DPYSL5: variants seen among roughly 807,000 people sequenced by gnomAD.
DPYSL5 encodes the protein dihydropyrimidinase-related protein 5.
A neutral mutation model predicts 58.4 loss-of-function variants in DPYSL5; 9 were observed. That is an observed-to-expected ratio of 0.15 (90% CI 0.09 to 0.27). The LOEUF is 0.27. Among genes scored for constraint, DPYSL5 ranks in the 10% least tolerant of loss-of-function variants. The pLI, the probability that DPYSL5 is intolerant of heterozygous loss-of-function variation, is 1.00. For synonymous variants in DPYSL5, 293 were observed against 301.9 expected, an observed-to-expected ratio of 0.97 and a Z score of 0.31; for missense variants, 499 against 770.6, an observed-to-expected ratio of 0.65 and a Z score of 4.17.
intron 1 of DPYSL5, among the ~76,000 whole-genome samples, chr2:26,878,966 C>T (rs1017084398): frequency 6.6e-6 from 1 of 152,216 alleles, no homozygotes; most frequent in African/African-American, 2.4e-5. Context: ...GCTTCCCCAC[C>T]CTTTCTGGTA....
In DPYSL5 at chr2:26,877,317, T is replaced by A. The variant is rs931606286; in HGVS notation, c.-4-21179T>A. Reference sequence around the variant, plus strand: ...TTTATTTCTATTTATTTATTTATTTTTTTAAGGCCAAGGAATTAAGTGACT... The same window carrying A: ...TTTATTTCTATTTATTTATTTATTTATTTAAGGCCAAGGAATTAAGTGACT... On this transcript the variant is annotated intron_variant, in intron 1 of 12. Coordinates refer to ENST00000288699, the MANE Select transcript of DPYSL5 (RefSeq NM_020134.4). This position sits in a 1 kb window ranked among gnomAD's most constrained non-coding sequence, Gnocchi z 4.1. Among the ~76,000 whole-genome samples, 1 of 152,174 alleles carries A rather than the reference T, an allele frequency of 6.6e-6. No individual in the cohort carries two copies. Among genetic ancestry groups the A allele is most frequent in the Non-Finnish European group, 1.5e-5 (1 of 68,040 alleles).
intron 9 of DPYSL5, among the ~76,000 whole-genome samples, chr2:26,940,380 G>C (rs949450085): frequency 2.7e-5 from 4 of 150,628 alleles, no homozygotes; most frequent in Non-Finnish European, 5.9e-5. Flanking sequence ...ACCTATTATG[G>C]AAATTTGGAA....
chr2:26,918,482 TTC>T lies in DPYSL5; in HGVS notation c.262-6404_262-6403del, dbSNP rs1299023158. Among the ~76,000 whole-genome samples the T allele has an allele frequency of 9.2e-3, 535 of 57,856 alleles. 3 individuals are homozygous for T. The highest frequency in any genetic ancestry group is 0.032 in the African/African-American group (506 of 15,990). The allele number at this position is 57,856 out of a possible 152,430, so 38.0% of individuals were successfully genotyped here. On this transcript the variant is annotated intron_variant, in intron 2 of 12. Coordinates refer to ENST00000288699, the MANE Select transcript of DPYSL5 (RefSeq NM_020134.4). ...CTACCGAGCTGGTTATTTTTTTTTT[TTC>T]CTCTGGTACTTCGGGAGGATGTGAA...
At chr2:26,876,604 C>A (rs970510445) in intron 1 of DPYSL5, among the ~76,000 whole-genome samples, 1 of 152,198 alleles carries the variant, frequency 6.6e-6, no homozygotes, top group African/African-American at 2.4e-5. Context: ...CAGCCTCCAT[C>A]TCCCAGGTTC....
In DPYSL5 at chr2:26,934,689, G is replaced by A; in HGVS notation, c.902G>A (p.Arg301Lys). The A allele has an allele frequency of 1.2e-6, 2 of 1,614,174 alleles. No homozygotes were observed. Among genetic ancestry groups the A allele is most frequent in the Middle Eastern group, 1.6e-4 (1 of 6,062 alleles). Residue 301 changes from arginine (R) to lysine (K), a missense_variant, in exon 8 of 13, where the codon AGA (arginine) becomes AAA (lysine). Physicochemically the swap from Arg to Lys is conservative, Grantham distance 26. Transcript: ENST00000288699. The surrounding 1 kb of genome is among the most constrained non-coding windows in gnomAD (Gnocchi z 4.3). Reference sequence around the variant, plus strand: ...GCCTATGTCACGGTGCCTCCCCTGAGACTGGACACCAACACCTCAACCTAC... The same window carrying A: ...GCCTATGTCACGGTGCCTCCCCTGAAACTGGACACCAACACCTCAACCTAC... ...AAAYVTVPPLRLDTNTSTYLM... is the reference protein window; with the variant it reads ...AAAYVTVPPLKLDTNTSTYLM...
At chr2:26,859,176 CAT>C (rs979181258) in intron 1 of DPYSL5, among the ~76,000 whole-genome samples, 12 of 151,996 alleles carry the variant, frequency 7.9e-5, no homozygotes, top group African/African-American at 2.9e-4. Context: ...ATTTTGTTTT[CAT>C]ATGTTATTAG....
chr2:26,936,891 A>T (rs1365415065), intron 8 of DPYSL5, among the ~76,000 whole-genome samples: 2 of 150,152 alleles, frequency 1.3e-5, no homozygotes, highest in African/African-American at 4.9e-5. Context: ...GGTTGCAGTG[A>T]GCTGAGATCG....
At position 26,944,470 on chromosome 2, in the gene DPYSL5, G is replaced by A. The variant is rs1665414296; in HGVS notation, c.1441-186G>A. On this transcript the variant is annotated intron_variant, in intron 11 of 12. Transcript: ENST00000288699. The surrounding 1 kb of genome is among the most constrained non-coding windows in gnomAD (Gnocchi z 4.4). ...TGTACACATATGCACATGCTCTTTA[G>A]GAGGTATGAGAAAACTCCAGCCCCT... Among the ~76,000 whole-genome samples, 1 of 152,112 alleles carries A rather than the reference G, an allele frequency of 6.6e-6. No individual in the cohort carries two copies. The highest frequency in any genetic ancestry group is 2.4e-5 in the African/African-American group (1 of 41,420).
Position 26,944,777 on chromosome 2 carries a change from G to A in DPYSL5, c.1562G>A (p.Arg521Gln), listed in dbSNP as rs371141196. ...GACACTCCTACCCGGCCCGTCACCC[G>A]GCATGGGGGCATGAGGGACCTTCAC... ...LADTPTRPVT[R>Q]HGGMRDLHES... Residue 521 changes from arginine to glutamine, a missense_variant, in exon 12 of 13, where the codon CGG becomes CAG. Physicochemically the swap from Arg to Gln is conservative, Grantham distance 43. Transcript: ENST00000288699. This position sits in a 1 kb window ranked among gnomAD's most constrained non-coding sequence, Gnocchi z 4.4. The A allele has an allele frequency of 2.5e-6, 4 of 1,614,032 alleles. No homozygotes were observed. Among genetic ancestry groups the A allele is most frequent in the Non-Finnish European group, 2.5e-6 (3 of 1,180,012 alleles).
chr2:26,891,178 G>C (rs1270369019), intron 1 of DPYSL5, among the ~76,000 whole-genome samples: 1 of 152,196 alleles, frequency 6.6e-6, no homozygotes, highest in Non-Finnish European at 1.5e-5. Context: ...GGCAATGATG[G>C]TACCTATCTC....
chr2:26,932,212 G>A (rs4665362), intron 6 of DPYSL5, among the ~76,000 whole-genome samples: 7,738 of 55,634 alleles, frequency 0.14, 396 homozygotes, highest in East Asian at 0.24. Flanking sequence ...AGAAAGAAAA[G>A]AAAGAAAGAA....
intron 2 of DPYSL5, among the ~76,000 whole-genome samples, chr2:26,903,070 T>C (rs1243710800): frequency 6.6e-6 from 1 of 152,026 alleles, no homozygotes; most frequent in Non-Finnish European, 1.5e-5. Context: ...TACTTTCTTT[T>C]TTTTTTTTTT....
In DPYSL5 at chr2:26,944,521, T is replaced by TGTTTAAGAAG; in HGVS notation, c.1441-135_1441-134insGTTTAAGAAG. 1.0e-6 allele frequency: 1 copy of TGTTTAAGAAG among 962,034 alleles called. No homozygotes were observed. Among genetic ancestry groups the TGTTTAAGAAG allele is most frequent in the Admixed American group, 2.7e-5 (1 of 36,824 alleles). 59.6% of individuals were successfully genotyped at this position (962,034 alleles called of 1,614,324 possible). A position where few individuals can be genotyped will look rare whatever the true frequency, so the allele number is the denominator to read the frequency against. On this transcript the variant is annotated intron_variant, in intron 11 of 12. Coordinates refer to ENST00000288699, the MANE Select transcript of DPYSL5 (RefSeq NM_020134.4). The surrounding 1 kb of genome is among the most constrained non-coding windows in gnomAD (Gnocchi z 4.4). ...GGACTCAATGTTTAAGAAGCCTTGG[T>TGTTTAAGAAG]CACTTGCAGTGATTTGGGTCTTGGG...
At chr2:26,863,237 GC>G (rs1157145071) in intron 1 of DPYSL5, among the ~76,000 whole-genome samples, 1 of 152,126 alleles carries the variant, frequency 6.6e-6, no homozygotes, top group African/African-American at 2.4e-5. Context: ...AGCCATACTA[GC>G]CCTGGCACTC....
intron 1 of DPYSL5, among the ~76,000 whole-genome samples, chr2:26,872,833 C>T (rs758675662): frequency 2.0e-5 from 3 of 152,082 alleles, no homozygotes; most frequent in Non-Finnish European, 2.9e-5. Context: ...AAAAAACGGC[C>T]GTTGGAAAAA....
At chr2:26,895,658 A>G (rs991787319) in intron 1 of DPYSL5, among the ~76,000 whole-genome samples, 10 of 152,138 alleles carry the variant, frequency 6.6e-5, no homozygotes, top group African/African-American at 2.4e-4. Context: ...TGTACAATAG[A>G]GCTCTTAAAC....
rs4665926 is a variant in DPYSL5, at chr2:26,925,596, A to G, written c.420+551A>G. Among the ~76,000 whole-genome samples the G allele has an allele frequency of 0.99, 150,211 of 152,300 alleles. 74,115 individuals carry two copies. The highest frequency in any genetic ancestry group is 1 in the Middle Eastern group (294 of 294). On this transcript the variant is annotated intron_variant, in intron 3 of 12. Coordinates refer to ENST00000288699, the MANE Select transcript of DPYSL5 (RefSeq NM_020134.4). This position sits in a 1 kb window ranked among gnomAD's most constrained non-coding sequence, Gnocchi z 4.5. Reference sequence around the variant, plus strand: ...GTCCTGGTCTGTGACTGAGGCTGGCACCCCCTGAGCCTTTCTCAGTTCAGC... The same window carrying G: ...GTCCTGGTCTGTGACTGAGGCTGGCGCCCCCTGAGCCTTTCTCAGTTCAGC...
rs529441914 is a variant in DPYSL5 at position 26,910,100 on chromosome 2, G to A, written c.261+11340G>A. ...CATTTTCTACTATTTCTATATAAAT[G>A]GAGCAATGCGATATGCATTCCTTTT... On this transcript the variant is annotated intron_variant, in intron 2 of 12. Transcript: ENST00000288699. Among the ~76,000 whole-genome samples the A allele has an allele frequency of 3.3e-5, 5 of 152,262 alleles. No homozygotes were observed. In the South Asian group the frequency reaches 1.0e-3, roughly 32 times the overall value.
chr2:26,861,425 C>A (rs1451637144), intron 1 of DPYSL5, among the ~76,000 whole-genome samples: 2 of 152,224 alleles, frequency 1.3e-5, no homozygotes, highest in Admixed American at 6.5e-5. Flanking sequence ...TTCCTTCAGG[C>A]AGCAAGTGCT....
Sources: gnomAD v4.1 joint callset for allele counts (sites outside exome capture counted in the v4.1 genomes callset) on GRCh38, gnomAD v4.1.1 for gene constraint, Gnocchi (gnomAD v3.1) non-coding constraint, MANE v1.5 for transcripts, NCBI Gene and HGNC (gene_info 2026-07-23, HGNC 2026-07-21) for gene names.